Variants in INKA2 observed in about 807,000 individuals in gnomAD.
INKA2 encodes the protein PAK4-inhibitor INKA2.
Under a neutral mutation model 9.8 loss-of-function variants are expected in INKA2, and 3 were observed. The observed-to-expected ratio is 0.31, with a 90% CI of 0.14 to 0.79. INKA2 has a LOEUF of 0.79. Among genes scored for constraint, INKA2 ranks in the 30% least tolerant of loss-of-function variants. The pLI is 0.62. For missense variants in INKA2, 392 were observed against 384.4 expected, an observed-to-expected ratio of 1.02 and a Z score of -0.17; for synonymous variants, 147 against 143.3, an observed-to-expected ratio of 1.03 and a Z score of -0.18.
Position 111,726,897 on chromosome 1 carries a change from T to A in INKA2, c.*71A>T. ...CTTTCGAGAGCCATACCGCCCACCC[T>A]CCCTCCTCCCCAGGGGCCCAGCACT... On this transcript the variant is annotated 3_prime_UTR_variant, in exon 2 of 2. Transcript: ENST00000357260. 6.9e-7 allele frequency: 1 copy of A among 1,453,110 alleles called. No individual in the cohort carries two copies. The highest frequency in any genetic ancestry group is 9.4e-7 in the Non-Finnish European group (1 of 1,066,188). The allele number at this position is 1,453,110 out of a possible 1,614,324, so 90.0% of individuals were successfully genotyped here.
At position 111,722,882 on chromosome 1, in the gene INKA2, G is replaced by A; in HGVS notation, c.*4086C>T. The A allele has an allele frequency of 3.6e-6, 2 of 549,168 alleles. No individual in the cohort carries two copies. The highest frequency in any genetic ancestry group is 6.5e-6 in the Non-Finnish European group (2 of 309,318). 34.0% of individuals were successfully genotyped at this position (549,168 alleles called of 1,614,324 possible). A position where few individuals can be genotyped will look rare whatever the true frequency, so the allele number is the denominator to read the frequency against. ...CTCTACTAAGGGGATGGGTTGTCCAGTATCTGCTGAGCTTCTGCTGTATTC... is the reference window on the plus strand; with the variant it reads ...CTCTACTAAGGGGATGGGTTGTCCAATATCTGCTGAGCTTCTGCTGTATTC... On this transcript the variant is annotated 3_prime_UTR_variant, in exon 2 of 2. Transcript: ENST00000357260.
At chr1:111,730,266 C>T (rs1370808512) in intron 1 of INKA2, among the ~76,000 whole-genome samples, 1 of 152,206 alleles carries the variant, frequency 6.6e-6, no homozygotes, top group Non-Finnish European at 1.5e-5. Context: ...CTCCCTCTGT[C>T]TTCCCTATTC....
chr1:111,728,070 C>CACAGACACACACACACACAT (rs1553231320), intron 1 of INKA2, among the ~76,000 whole-genome samples: 1 of 148,164 alleles, frequency 6.7e-6, no homozygotes, highest in Non-Finnish European at 1.5e-5. Flanking sequence ...CACACACACA[C>CACAGACACACACACACACAT]ACAGACATTT....
At chr1:111,740,807 C>T (rs1663128481), upstream of INKA2, among the ~76,000 whole-genome samples, 1 of 151,536 alleles carries the variant, frequency 6.6e-6, no homozygotes, top group South Asian at 2.1e-4. Context: ...ACCCCGTCTC[C>T]ACTAAAAATA....
At chr1:111,749,650 T>C (rs183429800) in intron 1 of INKA2, among the ~76,000 whole-genome samples, 10 of 152,338 alleles carry the variant, frequency 6.6e-5, no homozygotes, top group Middle Eastern at 6.8e-3. Context: ...CTTAGGGTGA[T>C]AGAAATTCTT....
chr1:111,736,649 G>T (rs774212871), intron 1 of INKA2, among the ~76,000 whole-genome samples: 1 of 152,214 alleles, frequency 6.6e-6, no homozygotes, highest in Non-Finnish European at 1.5e-5. Context: ...TAAGGGCAGC[G>T]CCAGGCAACA....
chr1:111,742,447 C>T (rs971279187), upstream of INKA2, among the ~76,000 whole-genome samples: 5 of 152,056 alleles, frequency 3.3e-5, no homozygotes, highest in Admixed American at 3.3e-4. Flanking sequence ...TAGCCTGGTG[C>T]GGTGGCGGGC....
chr1:111,747,367 C>G (rs1230896795), intron 1 of INKA2: 2 of 152,234 alleles, frequency 1.3e-5, no homozygotes, highest in Non-Finnish European at 2.9e-5. Context: ...GTGACCAAAC[C>G]CCGCCTGGTA....
chr1:111,730,404 C>T (rs2076586), intron 1 of INKA2, among the ~76,000 whole-genome samples: 29,509 of 151,934 alleles, frequency 0.19, 3,540 homozygotes, highest in East Asian at 0.41. Context: ...CCACAAATGT[C>T]GCATATCTTT....
At chr1:111,741,936 A>C (rs1663159326), upstream of INKA2, among the ~76,000 whole-genome samples, 1 of 151,996 alleles carries the variant, frequency 6.6e-6, no homozygotes, top group South Asian at 2.1e-4. Flanking sequence ...GGCTGGTCTC[A>C]AACTCCTGAA....
At chr1:111,755,649 G>T (rs1663524557) in intron 1 of INKA2, 1 of 1,608,370 alleles carries the variant, frequency 6.2e-7, no homozygotes, top group Non-Finnish European at 8.5e-7. Flanking sequence ...GCGGGGCGGT[G>T]CCCCCACCGC....
At chr1:111,740,856 C>G (rs1266103790), upstream of INKA2, among the ~76,000 whole-genome samples, 1 of 151,796 alleles carries the variant, frequency 6.6e-6, no homozygotes. Context: ...CCTGTAATCC[C>G]AGCTACTCCG....
upstream of INKA2, among the ~76,000 whole-genome samples, chr1:111,740,385 G>C (rs12121908): frequency 6.6e-6 from 1 of 152,124 alleles, no homozygotes; most frequent in Non-Finnish European, 1.5e-5. Flanking sequence ...GCAGACCGGT[G>C]GGGGGTGCTC....
At chr1:111,744,721 A>G (rs1663223042) in intron 1 of INKA2, among the ~76,000 whole-genome samples, 2 of 152,036 alleles carry the variant, frequency 1.3e-5, no homozygotes, top group Admixed American at 1.3e-4. Context: ...TGTGCAGACT[A>G]CAGGTGTGCG....
upstream of INKA2, among the ~76,000 whole-genome samples, chr1:111,740,699 CG>C (rs2101380586): frequency 6.6e-6 from 1 of 152,122 alleles, no homozygotes; most frequent in African/African-American, 2.4e-5. Context: ...GAAAGATGCG[CG>C]GGTGGCGCAC....
rs560783748 is a variant in INKA2 at position 111,727,054 on chromosome 1, G to A, written c.808C>T (p.Arg270Ter). 28 of 1,614,042 alleles carry A rather than the reference G, an allele frequency of 1.7e-5. No homozygotes were observed. The East Asian group carries it at 2.2e-4, about 13-fold the overall frequency. The change falls in exon 2 of 2, where the codon CGA (arginine) becomes TGA (stop). Residue 270 changes from arginine (R) to a stop codon, truncating the protein, a stop_gained. Coordinates refer to ENST00000357260, the MANE Select transcript of INKA2 (RefSeq NM_019099.5). LOFTEE classifies it high-confidence loss of function. ...FPFPGTGEHR[R>*]GENPPTSCPK... ...CAGCTTGTGGGGGGATTCTCCCCTC[G>A]CCTGTGCTCCCCGGTGCCTGGGAAG... is the stretch of plus-strand genomic sequence containing the variant.
At position 111,725,740 on chromosome 1, in the gene INKA2, T is replaced by A. The variant is rs1662754331; in HGVS notation, c.*1228A>T. The A allele has an allele frequency of 1.1e-5, 2 of 177,060 alleles. No individual in the cohort carries two copies. Among genetic ancestry groups the A allele is most frequent in the African/African-American group, 2.4e-5 (1 of 41,928 alleles). The allele number at this position is 177,060 out of a possible 1,614,324, so 11.0% of individuals were successfully genotyped here. On this transcript the variant is annotated 3_prime_UTR_variant, in exon 2 of 2. Coordinates refer to ENST00000357260, the MANE Select transcript of INKA2 (RefSeq NM_019099.5). ...GGGCCCTACGAACTGTTTTTTTTTA[T>A]TTTTTTTGAGACAGGGGAGTCTTGC...
rs1167149068 is a variant in INKA2 at position 111,727,439 on chromosome 1, C to T, written c.423G>A (p.Trp141Ter). The change falls in exon 2 of 2, where the codon TGG becomes TGA. Residue 141 changes from tryptophan to a stop codon, truncating the protein, a stop_gained. Transcript: ENST00000357260. LOFTEE classifies it high-confidence loss of function. The stretch of plus-strand genomic sequence containing the variant: ...GGCCCCGGGACATCAACGTGGAGGT[C>T]CAGTCATCCGGTTCCACTCGCTCTG... ...QGPERVEPDD[W>*]TSTLMSRGRN... is the part of the protein sequence containing the mutation. 1.2e-6 allele frequency: 2 copies of T among 1,614,192 alleles called. No individual in the cohort carries two copies. The highest frequency in any genetic ancestry group is 1.7e-6 in the Non-Finnish European group (2 of 1,180,030).
At position 111,745,284 on chromosome 1, in the gene INKA2, TATATATATA is replaced by T. The variant is rs1352432333; in HGVS notation, n.124+10408_124+10416del. On this transcript the variant is annotated intron_variant and non_coding_transcript_variant, in intron 1 of 1. Coordinates refer to the INKA2 transcript ENST00000444059. The stretch of plus-strand genomic sequence containing the variant: ...GAGATATTATATATATATATATATA[TATATATATA>T]TTTTTTTTTTTTTTTTTTTTTGAGA... The T allele has an allele frequency of 7.1e-3, 354 of 49,938 alleles. 1 individual carries two copies. Among genetic ancestry groups the T allele is most frequent in the African/African-American group, 0.032 (346 of 10,812 alleles). 3.1% of individuals were successfully genotyped at this position (49,938 alleles called of 1,614,324 possible). A position where few individuals can be genotyped will look rare whatever the true frequency, so the allele number is the denominator to read the frequency against.
Sources: gnomAD v4.1 joint callset for allele counts (sites outside exome capture counted in the v4.1 genomes callset) on GRCh38, gnomAD v4.1.1 for gene constraint, MANE v1.5 for transcripts, NCBI Gene and HGNC (gene_info 2026-07-23, HGNC 2026-07-21) for gene names.